CARS1: variants seen among roughly 807,000 people sequenced by gnomAD.
The protein encoded by CARS1 is cysteinyl-tRNA synthetase 1, also known as cysteine--tRNA ligase, cytoplasmic.
A neutral mutation model predicts 106.2 loss-of-function variants in CARS1; 48 were observed. The ratio of observed to expected loss-of-function variants is 0.45; its 90% CI spans 0.36 to 0.57. The LOEUF is 0.57. Among genes scored for constraint, CARS1 ranks in the 20% least tolerant of loss-of-function variants. CARS1 has a pLI of 0.00. For synonymous variants in CARS1, 409 were observed against 403.4 expected (o/e 1.01, Z -0.17); for missense variants, 968 against 1,057.2 (o/e 0.92, Z 1.17).
chr11:3,003,685 G>A lies in CARS1; in HGVS notation c.2218-1085C>T, dbSNP rs902904081. On this transcript the variant is annotated intron_variant, in intron 20 of 22. Coordinates refer to ENST00000380525, the MANE Select transcript of CARS1 (RefSeq NM_001014437.3). The surrounding 1 kb of genome is among the most constrained non-coding windows in gnomAD (Gnocchi z 4.8). ...AGAGCAGGGCTGGCCGAGGGAAAGG[G>A]GCTGAGGTGGGGGAGGAGCTGGGCA... Among the ~76,000 whole-genome samples, 2 of 152,162 alleles carry A rather than the reference G, an allele frequency of 1.3e-5. No homozygotes were observed. Among genetic ancestry groups the A allele is most frequent in the African/African-American group, 4.8e-5 (2 of 41,426 alleles).
intron 22 of CARS1, among the ~76,000 whole-genome samples, chr11:3,001,658 G>A (rs1034187892): frequency 2.0e-5 from 3 of 152,220 alleles, no homozygotes; most frequent in Non-Finnish European, 4.4e-5. Flanking sequence ...GCCTATCTGC[G>A]CCACGGCACT....
chr11:3,045,938 G>A lies in CARS1; in HGVS notation c.274+1815C>T, dbSNP rs1294903148. Among the ~76,000 whole-genome samples, 1 of 152,180 alleles carries A rather than the reference G, an allele frequency of 6.6e-6. No homozygotes were observed. Among genetic ancestry groups the A allele is most frequent in the African/African-American group, 2.4e-5 (1 of 41,436 alleles). On this transcript the variant is annotated intron_variant, in intron 2 of 22. Transcript: ENST00000380525. The surrounding 1 kb of genome is among the most constrained non-coding windows in gnomAD (Gnocchi z 5.6). Reference sequence around the variant, plus strand: ...CTCGAGGTCACTGGATGCTCTAGCAGTCCCAGACTCCAGCTCCCACCTCCC... The same window carrying A: ...CTCGAGGTCACTGGATGCTCTAGCAATCCCAGACTCCAGCTCCCACCTCCC...
rs1370168837 is a variant in CARS1 at position 3,019,697 on chromosome 11, C to T, written c.1267-430G>A. 1.3e-5 allele frequency among the ~76,000 whole-genome samples: 2 copies of T among 149,406 alleles called. No homozygotes were observed. Among genetic ancestry groups the T allele is most frequent in the Non-Finnish European group, 3.0e-5 (2 of 67,368 alleles). The stretch of plus-strand genomic sequence containing the variant: ...GCACTCCAGCCTGGTGACAGAGTGA[C>T]ACTCTGTCTCAAAAAAAAAAAAAAG... On this transcript the variant is annotated intron_variant, in intron 11 of 22. Transcript: ENST00000380525. The surrounding 1 kb of genome is among the most constrained non-coding windows in gnomAD (Gnocchi z 6.2).
At position 3,017,490 on chromosome 11, in the gene CARS1, G is replaced by C. The variant is rs1851154197; in HGVS notation, c.1728-195C>G. 1.7e-6 allele frequency: 1 copy of C among 580,592 alleles called. No homozygotes were observed. Among genetic ancestry groups the C allele is most frequent in the South Asian group, 2.2e-5 (1 of 45,572 alleles). The allele number at this position is 580,592 out of a possible 1,614,324, so 36.0% of individuals were successfully genotyped here. A position where few individuals can be genotyped will look rare whatever the true frequency, so the allele number is the denominator to read the frequency against. ...AGACCCCCACCTCTACTAAAAATCTGAAATTAGCCAGGTATGGTGGCGCAT... is the reference window on the plus strand; with the variant it reads ...AGACCCCCACCTCTACTAAAAATCTCAAATTAGCCAGGTATGGTGGCGCAT... On this transcript the variant is annotated intron_variant, in intron 15 of 22. Transcript: ENST00000380525. This position sits in a 1 kb window ranked among gnomAD's most constrained non-coding sequence, Gnocchi z 4.9.
At chr11:3,051,780 A>G (rs1048515397) in intron 1 of CARS1, among the ~76,000 whole-genome samples, 5 of 152,032 alleles carry the variant, frequency 3.3e-5, no homozygotes, top group Admixed American at 6.6e-5. Context: ...GACCCTCCAC[A>G]TTCCTCTCCC....
At chr11:3,014,312 C>A (rs1484994273) in intron 17 of CARS1, among the ~76,000 whole-genome samples, 1 of 152,248 alleles carries the variant, frequency 6.6e-6, no homozygotes, top group Admixed American at 6.5e-5. Context: ...AACTGCCTCC[C>A]TTGCTCCTAA....
chr11:3,039,885 A>G lies in CARS1; in HGVS notation c.502T>C (p.Phe168Leu). 1 of 1,593,866 alleles carries G rather than the reference A, an allele frequency of 6.3e-7. No individual in the cohort carries two copies. The highest frequency in any genetic ancestry group is 8.6e-7 in the Non-Finnish European group (1 of 1,169,420). ...ATGCAATAAAAGACATCAAATTTGA[A>G]GTAATCCTTCAACACTCTTCTCAAG... is the stretch of plus-strand genomic sequence containing the variant. ...DILRRVLKDY[F>L]KFDVFYCMNI... Residue 168 changes from phenylalanine (F) to leucine (L), a missense_variant, in exon 5 of 23, where the codon TTC (phenylalanine) becomes CTC (leucine). Phe to Leu is a conservative substitution (Grantham distance 22). Transcript: ENST00000380525. This position sits in a 1 kb window ranked among gnomAD's most constrained non-coding sequence, Gnocchi z 5.6.
chr11:3,015,749 G>A lies in CARS1; in HGVS notation c.1986+32C>T, dbSNP rs779776886. The A allele has an allele frequency of 1.3e-5, 21 of 1,599,056 alleles. No individual in the cohort carries two copies. In the Admixed American group the frequency reaches 1.7e-4, roughly 13 times the overall value. ...GGGGTAGGGAGTGGGGAGGGAGCAGGTGCAGAAGGCAGGACCCTGCATGCT... is the reference window on the plus strand; with the variant it reads ...GGGGTAGGGAGTGGGGAGGGAGCAGATGCAGAAGGCAGGACCCTGCATGCT... On this transcript the variant is annotated intron_variant, in intron 17 of 22. Coordinates refer to ENST00000380525, the MANE Select transcript of CARS1 (RefSeq NM_001014437.3).
At position 3,042,397 on chromosome 11, in the gene CARS1, G is replaced by A. The variant is rs992092011; in HGVS notation, c.275-141C>T. ...AACAATGTGAAACCACACGAATCTC[G>A]GTCAACATTACGCAGGTCAAAGACA... On this transcript the variant is annotated intron_variant, in intron 2 of 22. Transcript: ENST00000380525. 32 of 607,742 alleles carry A rather than the reference G, an allele frequency of 5.3e-5. No homozygotes were observed. The Middle Eastern group carries it at 1.2e-3, about 23-fold the overall frequency. 37.6% of individuals were successfully genotyped at this position (607,742 alleles called of 1,614,324 possible). A position where few individuals can be genotyped will look rare whatever the true frequency, so the allele number is the denominator to read the frequency against.
Position 3,046,848 on chromosome 11 carries a change from C to G in CARS1, c.274+905G>C, listed in dbSNP as rs2084062494. Among the ~76,000 whole-genome samples, 1 of 152,202 alleles carries G rather than the reference C, an allele frequency of 6.6e-6. No individual in the cohort carries two copies. The highest frequency in any genetic ancestry group is 1.5e-5 in the Non-Finnish European group (1 of 68,044). On this transcript the variant is annotated intron_variant, in intron 2 of 22. Transcript: ENST00000380525. The surrounding 1 kb of genome is among the most constrained non-coding windows in gnomAD (Gnocchi z 5.8). The stretch of plus-strand genomic sequence containing the variant: ...TCAGATTTGCCACAGAGTGACAAAG[C>G]CATGCAGGCATCCCAGGAGTATCTC...
In CARS1 at chr11:3,057,421, T is replaced by G. The variant is rs1856335414; in HGVS notation, c.-54A>C. 2.6e-6 allele frequency: 4 copies of G among 1,558,750 alleles called. No individual in the cohort carries two copies. Among genetic ancestry groups the G allele is most frequent in the Admixed American group, 3.5e-5 (2 of 57,708 alleles). On this transcript the variant is annotated 5_prime_UTR_variant, in exon 1 of 23. Transcript: ENST00000380525. ...GCTACAGACACTTCCTAGAATCTGA[T>G]GCAACCGCCGCCCCGGAAGTCGCGC...
intron 18 of CARS1, among the ~76,000 whole-genome samples, chr11:3,009,767 T>TCTGTGGAGCATCTGGC (rs1336837202): frequency 1.3e-5 from 2 of 152,206 alleles, no homozygotes; most frequent in Admixed American, 1.3e-4. Context: ...TTTTCGTCTG[T>TCTGTGGAGCATCTGGC]CTGTGGAGCA....
chr11:3,013,818 A>T (rs1850734217), intron 17 of CARS1, among the ~76,000 whole-genome samples: 1 of 152,188 alleles, frequency 6.6e-6, no homozygotes, highest in Admixed American at 6.5e-5. Context: ...GCGCTACTGC[A>T]CTCCAGCTGT....
rs767010659 is a variant in CARS1 at position 3,012,225 on chromosome 11, C to T, written c.2038G>A (p.Gly680Arg). ...TGCTCTCGGGCAATCTTCCGCACTC[C>T]TTCTCGGAATTCTGATAACACCTGA... ...YLQVLSEFREGVRKIAREQKV... is the reference protein window; with the variant it reads ...YLQVLSEFRERVRKIAREQKV... The change falls in exon 18 of 23, where the codon GGA becomes AGA. Residue 680 changes from glycine (G) to arginine (R), a missense_variant. Coordinates refer to ENST00000380525, the MANE Select transcript of CARS1 (RefSeq NM_001014437.3). 3.7e-6 allele frequency: 6 copies of T among 1,614,238 alleles called. No homozygotes were observed. In the South Asian group the frequency reaches 6.6e-5, roughly 18 times the overall value.
rs11025058 is a variant in CARS1 at position 3,014,335 on chromosome 11, T to G, written c.1986+1446A>C. Reference sequence around the variant, plus strand: ...CCCTTGCTCCTAAAACCATTTGGATTTGGAAGTTAATCCATGAACGTCAAA... The same window carrying G: ...CCCTTGCTCCTAAAACCATTTGGATGTGGAAGTTAATCCATGAACGTCAAA... On this transcript the variant is annotated intron_variant, in intron 17 of 22. Coordinates refer to ENST00000380525, the MANE Select transcript of CARS1 (RefSeq NM_001014437.3). Among the ~76,000 whole-genome samples the G allele has an allele frequency of 1.2e-3, 185 of 152,350 alleles. 1 individual carries two copies. The highest frequency in any genetic ancestry group is 2.2e-3 in the Admixed American group (33 of 15,308).
In CARS1 at chr11:3,003,864, G is replaced by A. The variant is rs541201467; in HGVS notation, c.2218-1264C>T. Among the ~76,000 whole-genome samples, 24 of 152,278 alleles carry A rather than the reference G, an allele frequency of 1.6e-4. No homozygotes were observed. The highest frequency in any genetic ancestry group is 5.8e-4 in the African/African-American group (24 of 41,558). ...GGCCTGGGGATGCCTTCTTGCAGCA[G>A]CTTGGTGAGGTAAGAGTCCCTTGGT... is the stretch of plus-strand genomic sequence containing the variant. On this transcript the variant is annotated intron_variant, in intron 20 of 22. Coordinates refer to ENST00000380525, the MANE Select transcript of CARS1 (RefSeq NM_001014437.3). This position sits in a 1 kb window ranked among gnomAD's most constrained non-coding sequence, Gnocchi z 4.8.
At chr11:3,014,455 A>G (rs553346135) in intron 17 of CARS1, among the ~76,000 whole-genome samples, 34 of 152,366 alleles carry the variant, frequency 2.2e-4, no homozygotes, top group African/African-American at 7.7e-4. Flanking sequence ...AGGCCAAATG[A>G]GGCTGCCTGG....
chr11:3,012,195 C>T lies in CARS1; in HGVS notation c.2068G>A (p.Val690Ile). The T allele has an allele frequency of 6.2e-7, 1 of 1,614,022 alleles. No individual in the cohort carries two copies. The highest frequency in any genetic ancestry group is 8.5e-7 in the Non-Finnish European group (1 of 1,179,860). Residue 690 changes from valine (V) to isoleucine (I), a missense_variant and splice_region_variant, in exon 18 of 23, where the codon GTC becomes ATC. Coordinates refer to ENST00000380525, the MANE Select transcript of CARS1 (RefSeq NM_001014437.3). ...ACTCTTTCCAGCAACTGGTCCTCAC[C>T]TTTTTGCTCTCGGGCAATCTTCCGC... ...GVRKIAREQK[V>I]PEILQLSDAL...
chr11:3,016,015 C>T (rs546293620), intron 16 of CARS1, among the ~76,000 whole-genome samples, 166 bp from the exon 17 acceptor site: 65 of 152,276 alleles, frequency 4.3e-4, no homozygotes, highest in African/African-American at 1.4e-3. Flanking sequence ...CTGAGGGTGC[C>T]CTCATTGCTC....
Sources: gnomAD v4.1 joint callset for allele counts (sites outside exome capture counted in the v4.1 genomes callset) on GRCh38, gnomAD v4.1.1 for gene constraint, Gnocchi (gnomAD v3.1) non-coding constraint, MANE v1.5 for transcripts, NCBI Gene and HGNC (gene_info 2026-07-23, HGNC 2026-07-21) for gene names.